Variants in NAALADL2 observed in about 807,000 individuals in gnomAD.
NAALADL2 encodes the protein N-acetylated alpha-linked acidic dipeptidase like 2.
In NAALADL2, 76 loss-of-function variants were observed where a neutral mutation model predicts 87.2. The ratio of observed to expected loss-of-function variants is 0.87; its 90% CI spans 0.72 to 1.05. The LOEUF is 1.05. Among genes scored for constraint, NAALADL2 ranks in the 50% least tolerant of loss-of-function variants. The probability of loss-of-function intolerance (pLI) is 0.00; values close to 1 mark genes in which losing one functional copy is unlikely to be tolerated. For synonymous variants in NAALADL2, 354 were observed against 331.0 expected, an observed-to-expected ratio of 1.07 and a Z score of -0.75; for missense variants, 1,089 against 945.8, an observed-to-expected ratio of 1.15 and a Z score of -1.99.
At chr3:174,723,366 C>A (rs1398585159) in intron 2 of NAALADL2, among the ~76,000 whole-genome samples, 1 of 152,096 alleles carries the variant, frequency 6.6e-6, no homozygotes, top group East Asian at 1.9e-4. Flanking sequence ...CAATTTCTCC[C>A]AAGCTTCTAA....
intron 2 of NAALADL2, among the ~76,000 whole-genome samples, chr3:175,207,472 C>A (rs1370294004): frequency 6.6e-6 from 1 of 151,782 alleles, no homozygotes; most frequent in Admixed American, 6.6e-5. Context: ...ACAACAATGA[C>A]TTCCTACATC....
intron 13 of NAALADL2, among the ~76,000 whole-genome samples, chr3:175,791,437 A>G (rs748187688): frequency 6.6e-6 from 1 of 152,168 alleles, no homozygotes; most frequent in Admixed American, 6.5e-5. Flanking sequence ...AAGCTTAGCT[A>G]ATTGGATGAC....
chr3:174,536,877 T>A (rs147742785), intron 1 of NAALADL2, among the ~76,000 whole-genome samples: 1 of 152,274 alleles, frequency 6.6e-6, no homozygotes, highest in East Asian at 1.9e-4. Flanking sequence ...ATAATAATAT[T>A]TCACATTCTC....
chr3:175,701,663 G>T (rs1739020643), intron 11 of NAALADL2, among the ~76,000 whole-genome samples: 1 of 152,174 alleles, frequency 6.6e-6, no homozygotes, highest in Admixed American at 6.6e-5. Context: ...CACCAGTGCA[G>T]CTCTATAATA....
chr3:174,930,400 T>C (rs747339168), intron 1 of NAALADL2, among the ~76,000 whole-genome samples: 8 of 151,990 alleles, frequency 5.3e-5, no homozygotes, highest in Non-Finnish European at 8.8e-5. Context: ...TCCTTTCCAC[T>C]AAAGGTAGAG....
chr3:174,461,552 G>A (rs2108292590), intron 1 of NAALADL2, among the ~76,000 whole-genome samples: 1 of 152,162 alleles, frequency 6.6e-6, no homozygotes, highest in Middle Eastern at 3.4e-3. Context: ...GATAGAAGTA[G>A]ATTGCTATTC....
chr3:174,507,837 T>A (rs1197043844), intron 1 of NAALADL2, among the ~76,000 whole-genome samples: 1 of 152,164 alleles, frequency 6.6e-6, no homozygotes, highest in Non-Finnish European at 1.5e-5. Flanking sequence ...TTGTCTTTTA[T>A]GAATAAAGCT....
intron 13 of NAALADL2, among the ~76,000 whole-genome samples, chr3:175,787,371 G>A (rs1696882428): frequency 6.6e-6 from 1 of 152,158 alleles, no homozygotes; most frequent in Non-Finnish European, 1.5e-5. Context: ...GAGACTCCGT[G>A]GGCGTAGGAC....
intron 1 of NAALADL2, among the ~76,000 whole-genome samples, chr3:174,470,975 C>G (rs185695546): frequency 4.6e-5 from 7 of 152,060 alleles, no homozygotes; most frequent in Admixed American, 4.6e-4. Context: ...TTTCATACAT[C>G]CTTAGTTATT....
chr3:174,738,590 A>C (rs1560184436), intron 3 of NAALADL2, among the ~76,000 whole-genome samples: 1 of 152,126 alleles, frequency 6.6e-6, no homozygotes, highest in Non-Finnish European at 1.5e-5. Context: ...AAGTGTTTTA[A>C]AATGGTCAAA....
intron 5 of NAALADL2, among the ~76,000 whole-genome samples, chr3:175,410,815 C>A (rs909891882): frequency 2.0e-5 from 3 of 151,978 alleles, no homozygotes; most frequent in African/African-American, 7.3e-5. Flanking sequence ...TTACAGTGAG[C>A]GGCATAGGTT....
chr3:175,476,924 A>C (rs1217579656), intron 9 of NAALADL2, among the ~76,000 whole-genome samples: 1 of 152,162 alleles, frequency 6.6e-6, no homozygotes, highest in Non-Finnish European at 1.5e-5. Flanking sequence ...ATAACAACTA[A>C]GTCTTGTAAT....
At position 175,049,446 on chromosome 3, in the gene NAALADL2, G is replaced by A. The variant is rs148983010; in HGVS notation, c.44-47344G>A. On this transcript the variant is annotated intron_variant, in intron 1 of 13. Transcript: ENST00000454872. ...TTGTAACAGAAAACCTGTGTATAGA[G>A]GCCTAAAAAATAGACGCAGACTTTT... Among the ~76,000 whole-genome samples, 157 of 152,280 alleles carry A rather than the reference G, an allele frequency of 1.0e-3. No individual in the cohort carries two copies. The Middle Eastern group carries it at 0.02, about 20-fold the overall frequency.
At chr3:174,765,659 A>G (rs1268429387) in intron 3 of NAALADL2, among the ~76,000 whole-genome samples, 2 of 152,098 alleles carry the variant, frequency 1.3e-5, no homozygotes, top group Admixed American at 6.5e-5. Flanking sequence ...TTTTTTGAAT[A>G]CAGGATTTAT....
chr3:174,631,062 A>T (rs1179459120), intron 2 of NAALADL2, among the ~76,000 whole-genome samples: 2 of 152,158 alleles, frequency 1.3e-5, no homozygotes, highest in South Asian at 2.1e-4. Context: ...TTTACTTCCT[A>T]TAGATTCTGC....
chr3:175,391,697 T>G (rs1460341319), intron 5 of NAALADL2, among the ~76,000 whole-genome samples: 4 of 152,136 alleles, frequency 2.6e-5, no homozygotes, highest in Non-Finnish European at 5.9e-5. Flanking sequence ...GAATTTATTA[T>G]TAAGCTGCTG....
At chr3:175,368,908 A>G (rs1766060128) in intron 5 of NAALADL2, among the ~76,000 whole-genome samples, 1 of 152,136 alleles carries the variant, frequency 6.6e-6, no homozygotes, top group Non-Finnish European at 1.5e-5. Flanking sequence ...AAAGATTAAA[A>G]AAAATTGCCA....
chr3:174,788,626 C>T (rs1364773839), intron 3 of NAALADL2, among the ~76,000 whole-genome samples: 2 of 152,082 alleles, frequency 1.3e-5, no homozygotes, highest in Non-Finnish European at 2.9e-5. Flanking sequence ...TTTAAAGGCC[C>T]TATCTCCAAA....
At position 175,541,566 on chromosome 3, in the gene NAALADL2, T is replaced by C. The variant is rs146436809; in HGVS notation, c.1654-34475T>C. On this transcript the variant is annotated intron_variant, in intron 9 of 13. Transcript: ENST00000454872. ...AAGTACAGTTTCTACTGAATTCATATCACTTTCACACCATCATAAAGTTGA... is the reference window on the plus strand; with the variant it reads ...AAGTACAGTTTCTACTGAATTCATACCACTTTCACACCATCATAAAGTTGA... Among the ~76,000 whole-genome samples the C allele has an allele frequency of 9.5e-4, 145 of 152,334 alleles. No homozygotes were observed. The South Asian group carries it at 0.011, about 12-fold the overall frequency.
Sources: allele counts gnomAD v4.1 joint callset (sites outside exome capture counted in the v4.1 genomes callset), GRCh38; gene constraint gnomAD v4.1.1; transcripts MANE v1.5; gene names NCBI Gene and HGNC (gene_info 2026-07-23, HGNC 2026-07-21).